The following ZNF804A variants were observed in gnomAD, a reference collection of about 807,000 sequenced individuals.
ZNF804A encodes zinc finger protein 804A.
In ZNF804A, 2 loss-of-function variants were observed where a neutral mutation model predicts 16.5. The ratio of observed to expected loss-of-function variants is 0.12; its 90% CI spans 0.05 to 0.38. ZNF804A has a LOEUF of 0.38. ZNF804A is among the 10% of genes least tolerant of loss of function. The probability of loss-of-function intolerance (pLI) is 0.99; values close to 1 mark genes in which losing one functional copy is unlikely to be tolerated. For synonymous variants in ZNF804A, 534 were observed against 489.6 expected, an observed-to-expected ratio of 1.09 and a Z score of -1.20; for missense variants, 1,473 against 1,390.7, an observed-to-expected ratio of 1.06 and a Z score of -0.94.
At chr2:184,711,068 G>A (rs1693117825) in intron 1 of ZNF804A, among the ~76,000 whole-genome samples, 1 of 151,668 alleles carries the variant, frequency 6.6e-6, no homozygotes, top group South Asian at 2.1e-4. Flanking sequence ...TTAATGTTTT[G>A]AGAGATGTGA....
At chr2:184,733,236 A>G (rs1693548936) in intron 1 of ZNF804A, among the ~76,000 whole-genome samples, 1 of 152,076 alleles carries the variant, frequency 6.6e-6, no homozygotes, top group Non-Finnish European at 1.5e-5. Context: ...TCTGTTATTT[A>G]TGGGTGTTGA....
At chr2:184,864,377 C>A (rs1252072981) in intron 1 of ZNF804A, among the ~76,000 whole-genome samples, 1 of 152,168 alleles carries the variant, frequency 6.6e-6, no homozygotes, top group African/African-American at 2.4e-5. Context: ...GCCCTTATCA[C>A]CCAAACACCT....
In ZNF804A at chr2:184,938,109, G is replaced by A. The variant is rs765962899; in HGVS notation, c.2713G>A (p.Gly905Ser). Reference protein sequence around the residue: ...TEHLEMETTSGELSDVSNDPT... With the variant: ...TEHLEMETTSSELSDVSNDPT... Reference sequence around the variant, plus strand: ...GCATTTAGAAATGGAGACCACTTCTGGTGAATTGTCAGATGTTTCCAATGA... The same window carrying A: ...GCATTTAGAAATGGAGACCACTTCTAGTGAATTGTCAGATGTTTCCAATGA... The change falls in exon 4 of 4, where the codon GGT becomes AGT. Residue 905 changes from glycine (G) to serine (S), a missense_variant. By Grantham distance (56) the Gly-to-Ser change is moderately conservative. Coordinates refer to ENST00000302277, the MANE Select transcript of ZNF804A (RefSeq NM_194250.2). 3 of 1,614,084 alleles carry A rather than the reference G, an allele frequency of 1.9e-6. No homozygotes were observed. The East Asian group carries it at 6.7e-5, about 36-fold the overall frequency.
At chr2:184,710,696 ATCTT>A (rs1693111842) in intron 1 of ZNF804A, among the ~76,000 whole-genome samples, 1 of 151,770 alleles carries the variant, frequency 6.6e-6, no homozygotes. Flanking sequence ...CCTAGCAGTC[ATCTT>A]TCTATTTTGT....
At chr2:184,875,236 C>T (rs1223079330) in intron 2 of ZNF804A, among the ~76,000 whole-genome samples, 3 of 152,028 alleles carry the variant, frequency 2.0e-5, no homozygotes, top group African/African-American at 7.3e-5. Context: ...ATATTTTTGC[C>T]CTTGGAATCT....
intron 1 of ZNF804A, among the ~76,000 whole-genome samples, chr2:184,847,650 A>G (rs556792498): frequency 6.6e-6 from 1 of 152,122 alleles, no homozygotes; most frequent in East Asian, 1.9e-4. Context: ...TTAATCCTCC[A>G]AATCTCTGGA....
chr2:184,609,877 C>T (rs899819255), intron 1 of ZNF804A, among the ~76,000 whole-genome samples: 13 of 152,162 alleles, frequency 8.5e-5, no homozygotes, highest in African/African-American at 1.4e-4. Flanking sequence ...GCCCCTCAGA[C>T]GGGAAACACC....
At chr2:184,922,886 A>C (rs1197641362) in intron 2 of ZNF804A, among the ~76,000 whole-genome samples, 2 of 152,026 alleles carry the variant, frequency 1.3e-5, no homozygotes, top group African/African-American at 4.8e-5. Context: ...GTATGGATTT[A>C]TTTCTGGGTT....
chr2:184,695,072 C>G (rs1261153689), intron 1 of ZNF804A, among the ~76,000 whole-genome samples: 1 of 152,128 alleles, frequency 6.6e-6, no homozygotes, highest in Non-Finnish European at 1.5e-5. Context: ...GCATACAGAC[C>G]TACAAACCCA....
chr2:184,648,677 G>A (rs1206768834), intron 1 of ZNF804A, among the ~76,000 whole-genome samples: 1 of 152,078 alleles, frequency 6.6e-6, no homozygotes, highest in African/African-American at 2.4e-5. Flanking sequence ...AATAACAATT[G>A]TCAAAAAAGG....
intron 1 of ZNF804A, among the ~76,000 whole-genome samples, chr2:184,619,130 C>T (rs1368406968): frequency 6.6e-6 from 1 of 151,948 alleles, no homozygotes; most frequent in Admixed American, 6.6e-5. Flanking sequence ...TGTGAGCAGA[C>T]GTTTGGTGTG....
chr2:184,834,865 G>T (rs1695319416), intron 1 of ZNF804A, among the ~76,000 whole-genome samples: 1 of 151,982 alleles, frequency 6.6e-6, no homozygotes. Flanking sequence ...TAAATCCCTG[G>T]ATTATGCAAT....
At chr2:184,668,999 A>G (rs912107353) in intron 1 of ZNF804A, among the ~76,000 whole-genome samples, 1 of 151,906 alleles carries the variant, frequency 6.6e-6, no homozygotes, top group East Asian at 1.9e-4. Flanking sequence ...ACTGAGCCTC[A>G]TACCTGCTCT....
intron 1 of ZNF804A, among the ~76,000 whole-genome samples, chr2:184,829,466 GTA>G (rs573908278): frequency 2.3e-3 from 347 of 151,952 alleles, no homozygotes; most frequent in Non-Finnish European, 3.7e-3. Context: ...AATGTATTCT[GTA>G]TATGTTAGAG....
chr2:184,864,596 C>T (rs1266262971), intron 1 of ZNF804A, among the ~76,000 whole-genome samples: 1 of 152,116 alleles, frequency 6.6e-6, no homozygotes, highest in Non-Finnish European at 1.5e-5. Context: ...CCTCCCAAAC[C>T]ATGGTGAACT....
intron 1 of ZNF804A, among the ~76,000 whole-genome samples, chr2:184,698,505 T>C (rs1360652111): frequency 6.6e-6 from 1 of 152,050 alleles, no homozygotes; most frequent in Non-Finnish European, 1.5e-5. Context: ...ACTTCAATTG[T>C]TTTTTGAGGG....
At chr2:184,768,187 A>C (rs1428188334) in intron 1 of ZNF804A, among the ~76,000 whole-genome samples, 2 of 152,104 alleles carry the variant, frequency 1.3e-5, no homozygotes, top group African/African-American at 4.8e-5. Context: ...ACCTTGAATT[A>C]GGTATCATAA....
chr2:184,754,497 A>G (rs1009844992), intron 1 of ZNF804A, among the ~76,000 whole-genome samples: 4 of 151,878 alleles, frequency 2.6e-5, no homozygotes, highest in East Asian at 1.9e-4. Flanking sequence ...GCACATATTC[A>G]TAGGTTCAAG....
chr2:184,855,974 A>G (rs1314738686), intron 1 of ZNF804A, among the ~76,000 whole-genome samples: 1 of 152,092 alleles, frequency 6.6e-6, no homozygotes, highest in African/African-American at 2.4e-5. Context: ...TTTAATGTCA[A>G]TAATGAGACT....
Sources: allele counts gnomAD v4.1 joint callset (sites outside exome capture counted in the v4.1 genomes callset), GRCh38; gene constraint gnomAD v4.1.1; transcripts MANE v1.5; gene names NCBI Gene and HGNC (gene_info 2026-07-23, HGNC 2026-07-21).